The following ABTB2 variants were observed in gnomAD, a reference collection of about 807,000 sequenced individuals.
ABTB2 encodes the protein ankyrin repeat and BTB/POZ domain-containing protein 2.
In ABTB2, 56 loss-of-function variants were observed where a neutral mutation model predicts 104.1. The ratio of observed to expected loss-of-function variants is 0.54; its 90% CI spans 0.43 to 0.67. ABTB2 has a LOEUF of 0.67. Ranked by LOEUF, ABTB2 falls within the 30% of genes least tolerant of loss-of-function variation. The pLI, the probability that ABTB2 is intolerant of heterozygous loss-of-function variation, is 0.00. For synonymous variants in ABTB2, 606 were observed against 608.2 expected (o/e 1.00, Z 0.05); for missense variants, 1,279 against 1,407.7 (o/e 0.91, Z 1.46).
chr11:34,233,141 C>T (rs1853794186), intron 1 of ABTB2, among the ~76,000 whole-genome samples: 1 of 152,150 alleles, frequency 6.6e-6, no homozygotes, highest in African/African-American at 2.4e-5. Context: ...TTCCTGCTAA[C>T]AGTCCACCAC....
chr11:34,294,701 G>A (rs554413415), intron 1 of ABTB2, among the ~76,000 whole-genome samples: 1 of 151,252 alleles, frequency 6.6e-6, no homozygotes, highest in Non-Finnish European at 1.5e-5. Flanking sequence ...GTGAGCCCTC[G>A]TGTCTCTACA....
chr11:34,181,225 C>G (rs1166368485), intron 3 of ABTB2, among the ~76,000 whole-genome samples: 1 of 145,192 alleles, frequency 6.9e-6, no homozygotes, highest in African/African-American at 2.5e-5. Flanking sequence ...TTAAGAGGCC[C>G]CTGCAGCCTG....
At chr11:34,264,980 G>A (rs1043698947) in intron 1 of ABTB2, among the ~76,000 whole-genome samples, 2 of 152,258 alleles carry the variant, frequency 1.3e-5, no homozygotes, top group Non-Finnish European at 2.9e-5. Context: ...GACAGGGAAA[G>A]GGGAGATGTG....
At chr11:34,233,021 C>T (rs1853792598) in intron 1 of ABTB2, among the ~76,000 whole-genome samples, 1 of 151,410 alleles carries the variant, frequency 6.6e-6, no homozygotes, top group Non-Finnish European at 1.5e-5. Context: ...ACTACCCCCT[C>T]CATCATGCTG....
intron 1 of ABTB2, among the ~76,000 whole-genome samples, chr11:34,247,430 GATATTCAACACTTT>G (rs1188745730): frequency 6.6e-6 from 1 of 152,210 alleles, no homozygotes; most frequent in Non-Finnish European, 1.5e-5. Context: ...AGTTACATGA[GATATTCAACACTTT>G]ATTATAACAT....
At chr11:34,320,151 T>C (rs766983786) in intron 1 of ABTB2, among the ~76,000 whole-genome samples, 11 of 152,226 alleles carry the variant, frequency 7.2e-5, no homozygotes, top group Non-Finnish European at 1.6e-4. Context: ...CTTAATTTTA[T>C]TTTTATTCTT....
chr11:34,186,316 A>T (rs1482161380), intron 3 of ABTB2, among the ~76,000 whole-genome samples: 1 of 152,226 alleles, frequency 6.6e-6, no homozygotes, highest in African/African-American at 2.4e-5. Context: ...TTGCAAGAGG[A>T]TAGAAATCCC....
chr11:34,276,437 A>T (rs1284300128), intron 1 of ABTB2, among the ~76,000 whole-genome samples: 2 of 152,176 alleles, frequency 1.3e-5, no homozygotes, highest in Non-Finnish European at 2.9e-5. Context: ...TTAAGGGAAA[A>T]TATTAATTCC....
intron 1 of ABTB2, among the ~76,000 whole-genome samples, chr11:34,321,636 T>C (rs1855004118): frequency 6.6e-6 from 1 of 152,216 alleles, no homozygotes; most frequent in African/African-American, 2.4e-5. Flanking sequence ...AACAGTGTCA[T>C]CAAGGACCCA....
chr11:34,223,548 TC>T (rs1484298135), intron 1 of ABTB2, among the ~76,000 whole-genome samples: 1 of 152,306 alleles, frequency 6.6e-6, no homozygotes, highest in East Asian at 1.9e-4. Flanking sequence ...ACTGACCCTA[TC>T]TCTGCATGGG....
intron 1 of ABTB2, among the ~76,000 whole-genome samples, chr11:34,257,700 A>G (rs370466979): frequency 2.6e-5 from 4 of 152,054 alleles, no homozygotes; most frequent in East Asian, 3.9e-4. Context: ...GCATTGTCCT[A>G]TGTCAGCCTC....
intron 11 of ABTB2, among the ~76,000 whole-genome samples, 196 bp downstream of exon 11, chr11:34,160,707 C>G (rs1331065976): frequency 1.7e-4 from 2 of 11,982 alleles, no homozygotes; most frequent in East Asian, 1.9e-3. Context: ...GGGGGGGGGG[C>G]CTGGGTGCTG....
chr11:34,344,158 T>C (rs1206454286), intron 1 of ABTB2, among the ~76,000 whole-genome samples: 1 of 152,158 alleles, frequency 6.6e-6, no homozygotes, highest in Admixed American at 6.5e-5. Flanking sequence ...AAATGGAGTC[T>C]TGCTTTCCCA....
chr11:34,297,509 T>G (rs1854635465), intron 1 of ABTB2, among the ~76,000 whole-genome samples: 1 of 152,174 alleles, frequency 6.6e-6, no homozygotes, highest in South Asian at 2.1e-4. Context: ...ATTCAGGTGT[T>G]GGCTGGGCGT....
intron 1 of ABTB2, among the ~76,000 whole-genome samples, chr11:34,320,444 T>G (rs1033095271): frequency 2.0e-5 from 3 of 152,216 alleles, no homozygotes; most frequent in Non-Finnish European, 4.4e-5. Flanking sequence ...CCCTGGATGA[T>G]CTGAGCTGAA....
intron 1 of ABTB2, among the ~76,000 whole-genome samples, chr11:34,229,453 C>T (rs1299908811): frequency 6.6e-6 from 1 of 150,498 alleles, no homozygotes; most frequent in African/African-American, 2.4e-5. Context: ...TGCACTCCAG[C>T]CTGGGTGACA....
intron 1 of ABTB2, chr11:34,335,021 A>G (rs1337043879): frequency 3.4e-6 from 2 of 585,632 alleles, no homozygotes; most frequent in Non-Finnish European, 6.2e-6. Flanking sequence ...ATAAATAGAA[A>G]TAAGTATATT....
chr11:34,221,390 G>A (rs1853620298), intron 1 of ABTB2, among the ~76,000 whole-genome samples: 1 of 152,250 alleles, frequency 6.6e-6, no homozygotes, highest in Non-Finnish European at 1.5e-5. Flanking sequence ...CTCTCAGGTA[G>A]TGGGAGCTGG....
chr11:34,176,218 C>T (rs958170110), intron 3 of ABTB2, among the ~76,000 whole-genome samples: 6 of 138,684 alleles, frequency 4.3e-5, no homozygotes, highest in Non-Finnish European at 6.1e-5. Context: ...AGGCAGAGAT[C>T]GCAATGAGCC....
Sources: allele counts gnomAD v4.1 joint callset (sites outside exome capture counted in the v4.1 genomes callset), GRCh38; gene constraint gnomAD v4.1.1; transcripts MANE v1.5; gene names NCBI Gene and HGNC (gene_info 2026-07-23, HGNC 2026-07-21).